Variants in PTPRD observed in about 807,000 individuals in gnomAD.
PTPRD encodes protein tyrosine phosphatase receptor type D.
In PTPRD, 34 loss-of-function variants were observed where a neutral mutation model predicts 214.5. The ratio of observed to expected loss-of-function variants is 0.16; its 90% CI spans 0.12 to 0.21. The LOEUF (loss-of-function observed/expected upper bound fraction) is 0.21, where lower values mean the gene tolerates loss of function less well. Ranked by LOEUF, PTPRD falls within the 10% of genes least tolerant of loss-of-function variation. The pLI is 1.00. For missense variants in PTPRD, 2,545 were observed against 2,398.7 expected (o/e 1.06, Z -1.27); for synonymous variants, 1,128 against 845.7 (o/e 1.33, Z -5.79).
chr9:9,069,389 G>A (rs556745221), intron 10 of PTPRD, among the ~76,000 whole-genome samples: 11 of 152,262 alleles, frequency 7.2e-5, no homozygotes, highest in South Asian at 2.1e-4. Flanking sequence ...TGACTTAAAC[G>A]TCTTTGTGAC....
At chr9:8,471,775 C>A (rs1383255588) in intron 30 of PTPRD, among the ~76,000 whole-genome samples, 1 of 152,058 alleles carries the variant, frequency 6.6e-6, no homozygotes, top group African/African-American at 2.4e-5. Flanking sequence ...ACACTGAGAA[C>A]AGTCAACTAA....
chr9:8,633,284 G>T, intron 14 of PTPRD, 33 bp downstream of exon 14: 2 of 1,600,444 alleles, frequency 1.2e-6, no homozygotes, highest in South Asian at 2.2e-5. Context: ...TTGTAACAAT[G>T]ACACAAACGA....
At chr9:9,874,388 T>C (rs1435822928) in intron 5 of PTPRD, among the ~76,000 whole-genome samples, 2 of 152,152 alleles carry the variant, frequency 1.3e-5, no homozygotes, top group African/African-American at 4.8e-5. Context: ...AGTGATGTTA[T>C]ACAGGATATC....
chr9:8,869,535 C>T (rs1262983975), intron 11 of PTPRD, among the ~76,000 whole-genome samples: 2 of 152,180 alleles, frequency 1.3e-5, no homozygotes, highest in East Asian at 1.9e-4. Flanking sequence ...AAACTCTGGG[C>T]CAGCTCCCAG....
chr9:8,741,280 AAAG>A (rs1469365375), intron 11 of PTPRD, among the ~76,000 whole-genome samples: 3 of 152,184 alleles, frequency 2.0e-5, no homozygotes, highest in East Asian at 3.9e-4. Context: ...TCTGATTTGA[AAAG>A]AAGGATAGCT....
intron 8 of PTPRD, among the ~76,000 whole-genome samples, chr9:9,483,774 T>C (rs2095514117): frequency 6.6e-6 from 1 of 151,426 alleles, no homozygotes; most frequent in African/African-American, 2.4e-5. Flanking sequence ...AAGTAATGTC[T>C]TCTTTCTTTT....
At chr9:10,038,355 G>T (rs553204100) in intron 3 of PTPRD, among the ~76,000 whole-genome samples, 30 of 152,012 alleles carry the variant, frequency 2.0e-4, no homozygotes, top group African/African-American at 6.8e-4. Flanking sequence ...CCCCAAATTG[G>T]ACATTTTTAC....
chr9:10,045,120 A>G (rs1322803730), intron 3 of PTPRD, among the ~76,000 whole-genome samples: 1 of 151,764 alleles, frequency 6.6e-6, no homozygotes, highest in Non-Finnish European at 1.5e-5. Context: ...CTATGAACTA[A>G]TTTGCTCATC....
intron 12 of PTPRD, among the ~76,000 whole-genome samples, chr9:8,643,992 G>A (rs1333247059): frequency 6.6e-5 from 10 of 152,158 alleles, no homozygotes; most frequent in Non-Finnish European, 1.5e-4. Context: ...TGCCTTTTCT[G>A]GGACCGCCCA....
intron 7 of PTPRD, among the ~76,000 whole-genome samples, chr9:9,648,496 T>C (rs2096253244): frequency 6.6e-6 from 1 of 152,234 alleles, no homozygotes; most frequent in Non-Finnish European, 1.5e-5. Flanking sequence ...GACCTGATGG[T>C]AATTTTCACA....
intron 36 of PTPRD, among the ~76,000 whole-genome samples, chr9:8,395,934 A>G (rs1042091651): frequency 1.3e-5 from 2 of 152,084 alleles, no homozygotes; most frequent in African/African-American, 4.8e-5. Flanking sequence ...TTAGACAGCA[A>G]CTTGCCTTAA....
intron 9 of PTPRD, among the ~76,000 whole-genome samples, chr9:9,307,701 CT>C (rs1957564858): frequency 6.6e-6 from 1 of 152,120 alleles, no homozygotes; most frequent in African/African-American, 2.4e-5. Context: ...CAAGTTAAAC[CT>C]TGCTGAAAAT....
chr9:10,486,858 T>C (rs775043898), intron 2 of PTPRD, among the ~76,000 whole-genome samples: 1 of 152,186 alleles, frequency 6.6e-6, no homozygotes, highest in African/African-American at 2.4e-5. Context: ...TGTTTCTTCA[T>C]TGATTTTCTT....
chr9:9,735,129 G>T (rs534786901), intron 6 of PTPRD, among the ~76,000 whole-genome samples: 2 of 152,136 alleles, frequency 1.3e-5, no homozygotes, highest in African/African-American at 2.4e-5. Flanking sequence ...TTTTAAAGGT[G>T]TTTGAAGTTC....
At chr9:9,511,370 G>C (rs972963394) in intron 8 of PTPRD, among the ~76,000 whole-genome samples, 5 of 151,680 alleles carry the variant, frequency 3.3e-5, no homozygotes, top group African/African-American at 1.2e-4. Context: ...TTGTCTTTAA[G>C]CACATAGCTG....
chr9:9,965,535 T>C (rs2094627211), intron 4 of PTPRD, among the ~76,000 whole-genome samples: 1 of 152,208 alleles, frequency 6.6e-6, no homozygotes, highest in Admixed American at 6.5e-5. Context: ...CATGCCATGC[T>C]AAGGAGATTC....
At chr9:9,603,590 A>G (rs1378661533) in intron 7 of PTPRD, among the ~76,000 whole-genome samples, 1 of 151,820 alleles carries the variant, frequency 6.6e-6, no homozygotes, top group Non-Finnish European at 1.5e-5. Flanking sequence ...CAGTGACATT[A>G]AAGTCTGTAT....
At chr9:9,049,767 C>A (rs1035682539) in intron 10 of PTPRD, among the ~76,000 whole-genome samples, 5 of 152,098 alleles carry the variant, frequency 3.3e-5, no homozygotes, top group Non-Finnish European at 5.9e-5. Flanking sequence ...TATTTCAGAG[C>A]ACTCTGTAAT....
chr9:10,477,975 T>A (rs1472889574), intron 2 of PTPRD, among the ~76,000 whole-genome samples: 2 of 148,206 alleles, frequency 1.3e-5, no homozygotes, highest in East Asian at 2.0e-4. Flanking sequence ...CCGAGAACTG[T>A]CAGGGGATGG....
Sources: gnomAD v4.1 joint callset for allele counts (sites outside exome capture counted in the v4.1 genomes callset) on GRCh38, gnomAD v4.1.1 for gene constraint, MANE v1.5 for transcripts, NCBI Gene and HGNC (gene_info 2026-07-23, HGNC 2026-07-21) for gene names.